Variants in TMEM213 observed in about 807,000 individuals in gnomAD.
TMEM213 encodes transmembrane protein 213.
Under a neutral mutation model 11.6 loss-of-function variants are expected in TMEM213, and 7 were observed. The ratio of observed to expected loss-of-function variants is 0.60; its 90% CI spans 0.34 to 1.13. TMEM213 has a LOEUF of 1.13. TMEM213 is among the 50% of genes most tolerant of loss of function. The pLI is 0.03. For missense variants in TMEM213, 129 were observed against 139.0 expected (o/e 0.93, Z 0.36); for synonymous variants, 60 against 58.3 (o/e 1.03, Z -0.13).
At position 138,803,248 on chromosome 7, in the gene TMEM213, G is replaced by T. The variant is rs1809005481; in HGVS notation, c.*179G>T. 3.9e-6 allele frequency: 3 copies of T among 765,742 alleles called. No individual in the cohort carries two copies. Among genetic ancestry groups the T allele is most frequent in the Non-Finnish European group, 2.0e-6 (1 of 490,880 alleles). 47.4% of individuals were successfully genotyped at this position (765,742 alleles called of 1,614,324 possible). ...AATAAGGCAAGCCAGTGCTGCCCTT[G>T]CATGTCACTCCCAAGGGCCCCTGGG... On this transcript the variant is annotated 3_prime_UTR_variant, in exon 3 of 3. Coordinates refer to ENST00000442682, the MANE Select transcript of TMEM213 (RefSeq NM_001085429.2).
In TMEM213 at chr7:138,801,219, A is replaced by G. The variant is rs565390184; in HGVS notation, c.83-108A>G. ...TCAATATGCCCATGCGGGAGCTTCTATAATACTTTCATAATACTCACTACT... is the reference window on the plus strand; with the variant it reads ...TCAATATGCCCATGCGGGAGCTTCTGTAATACTTTCATAATACTCACTACT... On this transcript the variant is annotated intron_variant, in intron 1 of 2. Transcript: ENST00000442682. 19 of 1,042,446 alleles carry G rather than the reference A, an allele frequency of 1.8e-5. 1 individual carries two copies. In the African/African-American group the frequency reaches 2.5e-4, roughly 14 times the overall value. 64.6% of individuals were successfully genotyped at this position (1,042,446 alleles called of 1,614,324 possible). A position where few individuals can be genotyped will look rare whatever the true frequency, so the allele number is the denominator to read the frequency against.
Position 138,801,363 on chromosome 7 carries a change from A to G in TMEM213, c.119A>G (p.His40Arg). ...SSSNSSSLTA[H>R]HPDPGTLEQC... Reference sequence around the variant, plus strand: ...AGCAACAGCTCAAGCTTGACCGCTCACCACCCAGACCCTGGGACCCTGGAG... The same window carrying G: ...AGCAACAGCTCAAGCTTGACCGCTCGCCACCCAGACCCTGGGACCCTGGAG... The change falls in exon 2 of 3, where the codon CAC becomes CGC. Residue 40 changes from histidine to arginine, a missense_variant. His to Arg is a conservative substitution (Grantham distance 29). Transcript: ENST00000442682. 1.2e-6 allele frequency: 2 copies of G among 1,611,596 alleles called. No homozygotes were observed. Among genetic ancestry groups the G allele is most frequent in the Non-Finnish European group, 1.7e-6 (2 of 1,179,016 alleles).
rs1273634510 is a variant in TMEM213 at position 138,804,034 on chromosome 7, A to T, written c.*965A>T. ...CTTCTCCAGCTCTCCTTCTGGCTTC[A>T]TCCTGTCTTCCACGGCTCTCCTGTC... is the stretch of plus-strand genomic sequence containing the variant. On this transcript the variant is annotated 3_prime_UTR_variant, in exon 3 of 3. Coordinates refer to ENST00000442682, the MANE Select transcript of TMEM213 (RefSeq NM_001085429.2). 1 of 152,428 alleles carries T rather than the reference A, an allele frequency of 6.6e-6. No homozygotes were observed. The allele number at this position is 152,428 out of a possible 1,614,324, so 9.4% of individuals were successfully genotyped here. A position where few individuals can be genotyped will look rare whatever the true frequency, so the allele number is the denominator to read the frequency against.
chr7:138,799,626 TGGAAGA>T (rs1808862824), intron 1 of TMEM213: 1 of 152,198 alleles, frequency 6.6e-6, no homozygotes, highest in African/African-American at 2.4e-5. Context: ...CCACTCACTT[TGGAAGA>T]GGACAACTTC....
At position 138,798,059 on chromosome 7, in the gene TMEM213, C is replaced by T. The variant is rs564783772; in HGVS notation, c.-46C>T. ...CTGCAGCAGGCACTCGGCACAACTC[C>T]GCAGGACCGGCTCACCTGCACCGGG... On this transcript the variant is annotated 5_prime_UTR_variant, in exon 1 of 3. Coordinates refer to ENST00000442682, the MANE Select transcript of TMEM213 (RefSeq NM_001085429.2). The T allele has an allele frequency of 1.2e-5, 19 of 1,564,260 alleles. 1 individual carries two copies. Among genetic ancestry groups the T allele is most frequent in the East Asian group, 9.5e-5 (4 of 41,920 alleles).
Position 138,803,779 on chromosome 7 carries a change from GAA to G in TMEM213, c.*727_*728del, listed in dbSNP as rs3087006. ...GGCGGCAGAGCAAGACTCTGTATCA[GAA>G]AAAAAAAAAAAAAAAAGAATGTGAG... On this transcript the variant is annotated 3_prime_UTR_variant, in exon 3 of 3. Transcript: ENST00000442682. The G allele has an allele frequency of 2.9e-5, 3 of 103,226 alleles. No homozygotes were observed. The highest frequency in any genetic ancestry group is 3.8e-5 in the Non-Finnish European group (2 of 52,876). The allele number at this position is 103,226 out of a possible 1,614,324, so 6.4% of individuals were successfully genotyped here. A position where few individuals can be genotyped will look rare whatever the true frequency, so the allele number is the denominator to read the frequency against.
rs900761600 is a variant in TMEM213 at position 138,803,180 on chromosome 7, T to A, written c.*111T>A. The A allele has an allele frequency of 7.6e-7, 1 of 1,318,836 alleles. No homozygotes were observed. The highest frequency in any genetic ancestry group is 1.0e-6 in the Non-Finnish European group (1 of 970,248). 81.7% of individuals were successfully genotyped at this position (1,318,836 alleles called of 1,614,324 possible). A position where few individuals can be genotyped will look rare whatever the true frequency, so the allele number is the denominator to read the frequency against. ...TTTAAGTCATTTTCACCTTTAAGCT[T>A]CAGTTACTTTTACAAGGGAAAGAAG... On this transcript the variant is annotated 3_prime_UTR_variant, in exon 3 of 3. Transcript: ENST00000442682.
Position 138,805,451 on chromosome 7 carries a change from A to AT in TMEM213, c.*2383dup, listed in dbSNP as rs1809082617. 6.6e-6 allele frequency: 1 copy of AT among 152,116 alleles called. No homozygotes were observed. Among genetic ancestry groups the AT allele is most frequent in the Admixed American group, 6.6e-5 (1 of 15,258 alleles). The allele number at this position is 152,116 out of a possible 1,614,324, so 9.4% of individuals were successfully genotyped here. A position where few individuals can be genotyped will look rare whatever the true frequency, so the allele number is the denominator to read the frequency against. On this transcript the variant is annotated 3_prime_UTR_variant, in exon 3 of 3. Transcript: ENST00000442682. ...TCCTGGTGCATTTTGTGGATATACA[A>AT]TATGAGTATGTGTTCCATGTTTTCA...
chr7:138,801,822 G>A (rs1563030826), intron 2 of TMEM213: 3 of 186,556 alleles, frequency 1.6e-5, no homozygotes, highest in Admixed American at 5.5e-5. Flanking sequence ...TAGCCACAAG[G>A]CGCTCAGTAA....
In TMEM213 at chr7:138,804,799, G is replaced by A. The variant is rs1563032215; in HGVS notation, c.*1730G>A. 6.6e-6 allele frequency: 1 copy of A among 152,162 alleles called. No homozygotes were observed. The highest frequency in any genetic ancestry group is 1.5e-5 in the Non-Finnish European group (1 of 68,028). 9.4% of individuals were successfully genotyped at this position (152,162 alleles called of 1,614,324 possible). Reference sequence around the variant, plus strand: ...TCACTGTCACTTAGCATGGAGAGTGGACGTTGCACATCACTGTGAAACCTT... The same window carrying A: ...TCACTGTCACTTAGCATGGAGAGTGAACGTTGCACATCACTGTGAAACCTT... On this transcript the variant is annotated 3_prime_UTR_variant, in exon 3 of 3. Transcript: ENST00000442682.
intron 2 of TMEM213, chr7:138,801,678 G>T: frequency 2.2e-6 from 1 of 456,132 alleles, no homozygotes; most frequent in South Asian, 3.9e-5. Context: ...AATGCTTGAA[G>T]AAGTTTGGAG....
chr7:138,798,944 C>T (rs547079916), intron 1 of TMEM213, among the ~76,000 whole-genome samples: 49 of 152,240 alleles, frequency 3.2e-4, no homozygotes, highest in African/African-American at 1.1e-3. Context: ...ACCAACCCTG[C>T]CCCCAAAGTC....
rs939090010 is a variant in TMEM213, at chr7:138,804,885, GC to G, written c.*1817del. On this transcript the variant is annotated 3_prime_UTR_variant, in exon 3 of 3. Coordinates refer to ENST00000442682, the MANE Select transcript of TMEM213 (RefSeq NM_001085429.2). ...AAAGGACAAAATGACTCCTTATGAA[GC>G]ATTTTGTGCCTTCTGTGAGAAAACA... is the stretch of plus-strand genomic sequence containing the variant. 1 of 152,164 alleles carries G rather than the reference GC, an allele frequency of 6.6e-6. No individual in the cohort carries two copies. Among genetic ancestry groups the G allele is most frequent in the Admixed American group, 6.5e-5 (1 of 15,274 alleles). 9.4% of individuals were successfully genotyped at this position (152,164 alleles called of 1,614,324 possible). A position where few individuals can be genotyped will look rare whatever the true frequency, so the allele number is the denominator to read the frequency against.
chr7:138,803,367 C>A lies in TMEM213; in HGVS notation c.*298C>A, dbSNP rs1395546501. The A allele has an allele frequency of 2.7e-6, 1 of 366,960 alleles. No homozygotes were observed. The highest frequency in any genetic ancestry group is 5.0e-6 in the Non-Finnish European group (1 of 199,548). The allele number at this position is 366,960 out of a possible 1,614,324, so 22.7% of individuals were successfully genotyped here. The stretch of plus-strand genomic sequence containing the variant: ...GGCACCAAGGGAGGTGCACAAGAAA[C>A]TATAAGACTTAGTCTCATCATCAAC... On this transcript the variant is annotated 3_prime_UTR_variant, in exon 3 of 3. Transcript: ENST00000442682.
Position 138,801,896 on chromosome 7 carries a change from G to T in TMEM213, c.154+498G>T, listed in dbSNP as rs532656414. ...GAAAGTTTTGCAGCTGGGCGCAGTG[G>T]CTCATGCCTGTAATCCCAGCATTTT... On this transcript the variant is annotated intron_variant, in intron 2 of 2. Coordinates refer to ENST00000442682, the MANE Select transcript of TMEM213 (RefSeq NM_001085429.2). 3 of 158,510 alleles carry T rather than the reference G, an allele frequency of 1.9e-5. No homozygotes were observed. The South Asian group carries it at 5.7e-4, about 30-fold the overall frequency. 9.8% of individuals were successfully genotyped at this position (158,510 alleles called of 1,614,324 possible). A position where few individuals can be genotyped will look rare whatever the true frequency, so the allele number is the denominator to read the frequency against.
chr7:138,798,357 A>AG, intron 1 of TMEM213, 171 bp downstream of exon 1: 1 of 2,432 alleles, frequency 4.1e-4, no homozygotes, highest in South Asian at 7.8e-3. Context: ...AGGGGGTGGG[A>AG]GGTGGGGCTG....
chr7:138,798,261 A>G (rs1200245596), intron 1 of TMEM213, 75 bp downstream of exon 1: 18 of 1,336,784 alleles, frequency 1.3e-5, no homozygotes, highest in Middle Eastern at 2.0e-4. Context: ...GGAGGGAAAG[A>G]AGGAGGAGGG....
chr7:138,802,808 G>A (rs575006174), intron 2 of TMEM213, 92 bp from the exon 3 acceptor site: 45 of 1,344,622 alleles, frequency 3.3e-5, no homozygotes, highest in East Asian at 7.3e-5. Flanking sequence ...GTCAGCTACC[G>A]TGCTGTGATT....
chr7:138,798,289 G>T, intron 1 of TMEM213, 103 bp downstream of exon 1: 3 of 1,162,714 alleles, frequency 2.6e-6, no homozygotes, highest in Non-Finnish European at 2.4e-6. Context: ...TCTTTGGCCA[G>T]GGTTGGTCCT....
Sources: gnomAD v4.1 joint callset for allele counts (sites outside exome capture counted in the v4.1 genomes callset) on GRCh38, gnomAD v4.1.1 for gene constraint, MANE v1.5 for transcripts, NCBI Gene and HGNC (gene_info 2026-07-23, HGNC 2026-07-21) for gene names.